Variants in RAB3B observed in about 807,000 individuals in gnomAD.
RAB3B encodes RAB3B, member RAS oncogene family.
In RAB3B, 11 loss-of-function variants were observed where a neutral mutation model predicts 20.5. The ratio of observed to expected loss-of-function variants is 0.54; its 90% confidence interval spans 0.34 to 0.89. The LOEUF (loss-of-function observed/expected upper bound fraction) is 0.89, where lower values mean the gene tolerates loss of function less well. RAB3B is among the 40% of genes least tolerant of loss of function. The pLI is 0.02. For missense variants in RAB3B, 225 were observed against 280.9 expected (o/e 0.80, Z 1.42); for synonymous variants, 99 against 106.3 (o/e 0.93, Z 0.42).
In RAB3B at chr1:51,918,933, A is replaced by C. The variant is rs1571954315; in HGVS notation, c.*994T>G. The stretch of plus-strand genomic sequence containing the variant: ...ATACCTACTTGCTCTTTCATATAGC[A>C]GGAACCTCTGACATTTTGTAGGGGA... On this transcript the variant is annotated 3_prime_UTR_variant, in exon 5 of 5. Transcript: ENST00000371655. The C allele has an allele frequency of 6.6e-6, 1 of 151,736 alleles. No homozygotes were observed. Among genetic ancestry groups the C allele is most frequent in the African/African-American group, 2.4e-5 (1 of 41,268 alleles). 9.4% of individuals were successfully genotyped at this position (151,736 alleles called of 1,614,324 possible).
intron 4 of RAB3B, among the ~76,000 whole-genome samples, chr1:51,922,117 T>C (rs1401514799): frequency 1.3e-5 from 2 of 152,220 alleles, no homozygotes; most frequent in Non-Finnish European, 2.9e-5. Flanking sequence ...ACTCAGGCCA[T>C]AGAAACCCAG....
intron 4 of RAB3B, among the ~76,000 whole-genome samples, chr1:51,924,568 G>A (rs1286335145): frequency 1.3e-5 from 2 of 152,152 alleles, no homozygotes; most frequent in African/African-American, 4.8e-5. Context: ...GTTATCCTTA[G>A]AGCAGAAAAC....
In RAB3B at chr1:51,916,225, T is replaced by C. The variant is rs953365428; in HGVS notation, c.*3702A>G. 1 of 152,250 alleles carries C rather than the reference T, an allele frequency of 6.6e-6. No individual in the cohort carries two copies. Among genetic ancestry groups the C allele is most frequent in the African/African-American group, 2.4e-5 (1 of 41,458 alleles). The allele number at this position is 152,250 out of a possible 1,614,324, so 9.4% of individuals were successfully genotyped here. A position where few individuals can be genotyped will look rare whatever the true frequency, so the allele number is the denominator to read the frequency against. On this transcript the variant is annotated 3_prime_UTR_variant, in exon 5 of 5. Transcript: ENST00000371655. ...CATCTCACAAGCAGGTCTGGTTGTC[T>C]GTTGCCCAGTAGACAAGCTTGCCAC...
intron 2 of RAB3B, among the ~76,000 whole-genome samples, chr1:51,955,297 G>C (rs1016276205): frequency 1.3e-5 from 2 of 152,212 alleles, no homozygotes; most frequent in East Asian, 3.8e-4. Flanking sequence ...CATAGCCGAT[G>C]TGAATGCCCA....
chr1:51,970,129 T>G (rs1308313046), intron 2 of RAB3B, among the ~76,000 whole-genome samples: 1 of 149,970 alleles, frequency 6.7e-6, no homozygotes, highest in Non-Finnish European at 1.5e-5. Context: ...AAACAAAAAC[T>G]AGAATCCAGG....
intron 2 of RAB3B, among the ~76,000 whole-genome samples, chr1:51,939,772 A>C (rs1366632298): frequency 6.6e-6 from 1 of 152,080 alleles, no homozygotes; most frequent in African/African-American, 2.4e-5. Flanking sequence ...ACAAGGTCTT[A>C]CTATGTAGCC....
At chr1:51,974,032 C>G (rs1468512210) in intron 2 of RAB3B, among the ~76,000 whole-genome samples, 1 of 152,224 alleles carries the variant, frequency 6.6e-6, no homozygotes, top group Non-Finnish European at 1.5e-5. Flanking sequence ...TGACCGATGA[C>G]AAGAACTTTC....
intron 4 of RAB3B, among the ~76,000 whole-genome samples, chr1:51,932,931 T>C (rs550528685): frequency 6.6e-6 from 1 of 152,278 alleles, no homozygotes; most frequent in Non-Finnish European, 1.5e-5. Context: ...CTCTTATTTT[T>C]CCCTCACCCT....
rs546967062 is a variant in RAB3B, at chr1:51,970,898, C to T, written c.228+5992G>A. 7.9e-5 allele frequency among the ~76,000 whole-genome samples: 12 copies of T among 151,276 alleles called. No individual in the cohort carries two copies. The East Asian group carries it at 2.2e-3, about 27-fold the overall frequency. The stretch of plus-strand genomic sequence containing the variant: ...TGGTGGCTGGGACCTGTAGCCCCAG[C>T]TACTCGGGAGACTGAGGCAGGAGAA... On this transcript the variant is annotated intron_variant, in intron 2 of 4. Transcript: ENST00000371655.
intron 3 of RAB3B, among the ~76,000 whole-genome samples, chr1:51,935,698 G>A (rs1287179338): frequency 1.3e-5 from 2 of 152,084 alleles, no homozygotes; most frequent in Admixed American, 6.6e-5. Flanking sequence ...TGGGCAGCGT[G>A]GAGACACTTC....
chr1:51,932,364 A>G (rs2124248500), intron 4 of RAB3B, among the ~76,000 whole-genome samples: 1 of 152,288 alleles, frequency 6.6e-6, no homozygotes, highest in Middle Eastern at 3.4e-3. Context: ...CAAACTTTCA[A>G]ACCTACAGGC....
At chr1:51,970,193 A>C (rs995140831) in intron 2 of RAB3B, among the ~76,000 whole-genome samples, 2 of 152,164 alleles carry the variant, frequency 1.3e-5, no homozygotes, top group African/African-American at 4.8e-5. Context: ...GATCAGCACC[A>C]GACAGCCTCT....
At chr1:51,973,154 C>T (rs936010076) in intron 2 of RAB3B, among the ~76,000 whole-genome samples, 2 of 152,086 alleles carry the variant, frequency 1.3e-5, no homozygotes, top group African/African-American at 2.4e-5. Context: ...CAACTTACAT[C>T]CCTTTAAGTA....
At position 51,977,601 on chromosome 1, in the gene RAB3B, GA is replaced by G. The variant is rs959390996; in HGVS notation, c.1-485del. Among the ~76,000 whole-genome samples the G allele has an allele frequency of 4.0e-4, 60 of 150,272 alleles. 1 individual carries two copies. The highest frequency in any genetic ancestry group is 1.4e-3 in the African/African-American group (58 of 41,002). Reference sequence around the variant, plus strand: ...CAGCTCCTGAGCTATTTTGGGGAAAGAAAAAAAAAGCCAAGAACAGCAAACA... The same window carrying G: ...CAGCTCCTGAGCTATTTTGGGGAAAGAAAAAAAAGCCAAGAACAGCAAACA... On this transcript the variant is annotated intron_variant, in intron 1 of 4. Transcript: ENST00000371655.
chr1:51,988,346 A>G (rs1361447593), intron 1 of RAB3B, among the ~76,000 whole-genome samples: 2 of 152,224 alleles, frequency 1.3e-5, no homozygotes, highest in Non-Finnish European at 2.9e-5. Flanking sequence ...GGTCTCCTAG[A>G]GCCACAGAAA....
At chr1:51,932,171 A>G (rs548194460) in intron 4 of RAB3B, among the ~76,000 whole-genome samples, 5 of 152,150 alleles carry the variant, frequency 3.3e-5, no homozygotes. Context: ...AATATATAAA[A>G]CACACAATTC....
intron 4 of RAB3B, among the ~76,000 whole-genome samples, chr1:51,926,657 T>C (rs1431102877): frequency 6.6e-6 from 1 of 152,166 alleles, no homozygotes; most frequent in Non-Finnish European, 1.5e-5. Context: ...CTCACCAATA[T>C]TGTGGCTGAG....
chr1:51,928,334 C>T (rs1197345847), intron 4 of RAB3B, among the ~76,000 whole-genome samples: 1 of 152,106 alleles, frequency 6.6e-6, no homozygotes, highest in Non-Finnish European at 1.5e-5. Context: ...CTCGAACTCC[C>T]GACCTCAGGT....
At chr1:51,932,633 C>G (rs1414932213) in intron 4 of RAB3B, among the ~76,000 whole-genome samples, 1 of 152,126 alleles carries the variant, frequency 6.6e-6, no homozygotes, top group East Asian at 1.9e-4. Context: ...TGGTGAGAAG[C>G]ATGAATTTGC....
Sources: gnomAD v4.1 joint callset for allele counts (sites outside exome capture counted in the v4.1 genomes callset) on GRCh38, gnomAD v4.1.1 for gene constraint, MANE v1.5 for transcripts, NCBI Gene and HGNC (gene_info 2026-07-23, HGNC 2026-07-21) for gene names.